Variants in SHROOM2 observed in about 807,000 individuals in gnomAD.
The protein encoded by SHROOM2 is shroom family member 2, also known as protein Shroom2.
In SHROOM2, 33 loss-of-function variants were observed where a neutral mutation model predicts 75.9. That is an observed-to-expected ratio of 0.43 (90% CI 0.33 to 0.58). The LOEUF (loss-of-function observed/expected upper bound fraction) is 0.58. SHROOM2 is among the 20% of genes least tolerant of loss of function. The probability of loss-of-function intolerance (pLI) is 0.04; values close to 1 mark genes in which losing one functional copy is unlikely to be tolerated. For synonymous variants in SHROOM2, 655 were observed against 663.6 expected, an observed-to-expected ratio of 0.99 and a Z score of 0.20; for missense variants, 1,434 against 1,461.2, an observed-to-expected ratio of 0.98 and a Z score of 0.30.
At chrX:9,936,536 C>CA in intron 6 of SHROOM2, among the ~76,000 whole-genome samples, 1 of 112,188 alleles carries the variant, frequency 8.9e-6, no homozygotes, top group African/African-American at 3.2e-5. Flanking sequence ...GCTTGAAGCA[C>CA]AGCGGGCGGG....
At chrX:9,897,772 G>A (rs1392119320) in intron 4 of SHROOM2, among the ~76,000 whole-genome samples, 1 of 109,854 alleles carries the variant, frequency 9.1e-6, no homozygotes, top group Non-Finnish European at 1.9e-5. Context: ...GCTCTGTGGC[G>A]TCCCAGCCCT....
chrX:9,913,924 C>G (rs1343935240), intron 5 of SHROOM2, among the ~76,000 whole-genome samples: 1 of 111,830 alleles, frequency 8.9e-6, no homozygotes, highest in Non-Finnish European at 1.9e-5. Context: ...TCATACTCTA[C>G]AAGTATTTCT....
intron 5 of SHROOM2, 94 bp downstream of exon 5, chrX:9,898,384 T>G: frequency 4.5e-6 from 3 of 673,391 alleles, no homozygotes; most frequent in Non-Finnish European, 6.7e-6. Context: ...GCTAGATGTC[T>G]GGCTTTTGCC....
chrX:9,827,369 T>C (rs1387408952), intron 1 of SHROOM2, among the ~76,000 whole-genome samples: 1 of 107,987 alleles, frequency 9.3e-6, no homozygotes, highest in Non-Finnish European at 1.9e-5. Context: ...ATTACAGGCA[T>C]GAGCCACCAC....
intron 8 of SHROOM2, 27 bp downstream of exon 8, chrX:9,939,393 C>T (rs749559532): frequency 2.5e-5 from 29 of 1,157,911 alleles, no homozygotes; most frequent in Non-Finnish European, 3.0e-5. Context: ...CAAATGACAG[C>T]GTGTGCGTGT....
chrX:9,823,173 C>CTT (rs2083868580), intron 1 of SHROOM2, among the ~76,000 whole-genome samples: 3 of 25,926 alleles, frequency 1.2e-4, no homozygotes, highest in African/African-American at 3.5e-4. Context: ...TTTTCTTCTT[C>CTT]TTCTTCTTCT....
intron 5 of SHROOM2, among the ~76,000 whole-genome samples, chrX:9,930,542 AAAG>A (rs1414598175): frequency 1.8e-5 from 2 of 109,977 alleles, no homozygotes; most frequent in Middle Eastern, 4.7e-3. Context: ...AGAAAGAAAG[AAAG>A]AAATATGGAA....
intron 9 of SHROOM2, among the ~76,000 whole-genome samples, chrX:9,946,351 G>A (rs779973635): frequency 1.1e-4 from 13 of 113,144 alleles, no homozygotes; most frequent in Admixed American, 1.9e-4. Flanking sequence ...GAATTCTGTC[G>A]TTGTGAGTCC....
chrX:9,817,426 T>C (rs960764150), intron 1 of SHROOM2, among the ~76,000 whole-genome samples: 2 of 111,744 alleles, frequency 1.8e-5, no homozygotes, highest in African/African-American at 6.5e-5. Context: ...ATTTTTTAAT[T>C]GTACCCCAAA....
chrX:9,790,322 G>A (rs978714791), intron 1 of SHROOM2, among the ~76,000 whole-genome samples: 7 of 112,124 alleles, frequency 6.2e-5, no homozygotes, highest in African/African-American at 1.9e-4. Flanking sequence ...CACCCTGGTC[G>A]GGATCAGTTC....
chrX:9,842,702 T>C (rs1319622787), intron 1 of SHROOM2, among the ~76,000 whole-genome samples: 1 of 112,271 alleles, frequency 8.9e-6, no homozygotes, highest in Non-Finnish European at 1.9e-5. Context: ...CAGGCTGGGT[T>C]GTCTGGTCGT....
rs776230710 is a variant in SHROOM2 at position 9,894,797 on chromosome X, A to G, written c.889A>G (p.Asn297Asp). 8.3e-7 allele frequency: 1 copy of G among 1,210,268 alleles called. No homozygotes were observed. The highest frequency in any genetic ancestry group is 3.0e-5 in the East Asian group (1 of 33,712). ...EPKLAAPGRS[N>D]FGPVWYVPDK... ...CAAGCTGGCTGCCCCTGGGAGGTCC[A>G]ATTTTGGGCCAGTCTGGTATGTTCC... The change falls in exon 4 of 10, where the codon AAT (asparagine) becomes GAT (aspartate). Residue 297 changes from asparagine to aspartate, a missense_variant. Transcript: ENST00000380913.
chrX:9,936,324 T>C (rs58367116), intron 6 of SHROOM2, among the ~76,000 whole-genome samples: 28,130 of 109,032 alleles, frequency 0.26, 2,977 homozygotes, highest in African/African-American at 0.39. Flanking sequence ...GTTAGCCAGG[T>C]GGGTCTCGAA....
At chrX:9,872,833 G>GA (rs1234369697) in intron 1 of SHROOM2, among the ~76,000 whole-genome samples, 1 of 112,153 alleles carries the variant, frequency 8.9e-6, no homozygotes, top group Admixed American at 9.4e-5. Context: ...AGCTCCTCAG[G>GA]TTGTTAAATG....
At chrX:9,790,311 C>A (rs765966991) in intron 1 of SHROOM2, among the ~76,000 whole-genome samples, 2 of 112,107 alleles carry the variant, frequency 1.8e-5, no homozygotes, top group African/African-American at 6.5e-5. Context: ...ATCAGAGTGA[C>A]CACCCTGGTC....
At chrX:9,923,098 G>A (rs1323213622) in intron 5 of SHROOM2, among the ~76,000 whole-genome samples, 1 of 111,991 alleles carries the variant, frequency 8.9e-6, no homozygotes, top group African/African-American at 3.2e-5. Context: ...TTACATGTGT[G>A]TGGGGAGTCT....
At chrX:9,918,577 A>T (rs2084511986) in intron 5 of SHROOM2, among the ~76,000 whole-genome samples, 1 of 110,840 alleles carries the variant, frequency 9.0e-6, no homozygotes, top group South Asian at 3.9e-4. Context: ...AAACTCCCAA[A>T]CTCCTAGGCT....
intron 1 of SHROOM2, among the ~76,000 whole-genome samples, chrX:9,863,990 A>T (rs1569152875): frequency 1.8e-5 from 2 of 110,953 alleles, no homozygotes; most frequent in African/African-American, 6.6e-5. Context: ...TTGGAGGCAA[A>T]TTTTCCTTAA....
intron 1 of SHROOM2, among the ~76,000 whole-genome samples, chrX:9,839,282 GTT>G (rs201195615): frequency 9.0e-6 from 1 of 111,182 alleles, no homozygotes; most frequent in Non-Finnish European, 1.9e-5. Flanking sequence ...GCAGAGACGC[GTT>G]TTTTTACCAT....
Sources: allele counts gnomAD v4.1 joint callset (sites outside exome capture counted in the v4.1 genomes callset), GRCh38; gene constraint gnomAD v4.1.1; transcripts MANE v1.5; gene names NCBI Gene and HGNC (gene_info 2026-07-23, HGNC 2026-07-21).